Variants in ABLIM1 observed in about 807,000 individuals in gnomAD.
ABLIM1 encodes actin binding LIM protein 1.
ABLIM1 carries 40 observed loss-of-function variants against 107.0 expected under a neutral mutation model. The observed-to-expected ratio is 0.37, with a 90% CI of 0.29 to 0.49. The LOEUF is 0.49. Among genes scored for constraint, ABLIM1 ranks in the 20% least tolerant of loss-of-function variants. The pLI is 0.97. For synonymous variants in ABLIM1, 357 were observed against 357.3 expected, an observed-to-expected ratio of 1.00 and a Z score of 0.01; for missense variants, 857 against 1,008.5, an observed-to-expected ratio of 0.85 and a Z score of 2.04.
chr10:114,450,163 T>C (rs1203963524), intron 14 of ABLIM1: 2 of 337,302 alleles, frequency 5.9e-6, no homozygotes, highest in African/African-American at 4.6e-5. Flanking sequence ...GTGAAGTCAG[T>C]AGTTAAACAT....
intron 4 of ABLIM1, 48 bp from the exon 5 acceptor site, chr10:114,547,824 A>T (rs1421088016): frequency 8.8e-6 from 14 of 1,590,170 alleles, no homozygotes; most frequent in Non-Finnish European, 1.2e-5. Context: ...CCTTTGCTAA[A>T]TCCAAGCAGG....
upstream of ABLIM1, among the ~76,000 whole-genome samples, chr10:114,660,517 C>A (rs982186865): frequency 8.7e-5 from 13 of 150,226 alleles, no homozygotes; most frequent in South Asian, 2.1e-4. Flanking sequence ...AAAAAAAAAA[C>A]CGTATTTCCC....
chr10:114,732,485 T>C (rs1167895853), intron 1 of ABLIM1, among the ~76,000 whole-genome samples: 1 of 151,420 alleles, frequency 6.6e-6, no homozygotes, highest in Non-Finnish European at 1.5e-5. Context: ...TTATCAGATA[T>C]ATGATTTGCA....
chr10:114,502,410 C>A (rs2060553265), intron 6 of ABLIM1: 1 of 152,236 alleles, frequency 6.6e-6, no homozygotes, highest in Non-Finnish European at 1.5e-5. Context: ...TCAACTCTCT[C>A]TTACAAGGTA....
At position 114,758,171 on chromosome 10, in the gene ABLIM1, C is replaced by T. The variant is rs557658845; in HGVS notation, c.-213+9890G>A. 5.3e-5 allele frequency among the ~76,000 whole-genome samples: 8 copies of T among 152,240 alleles called. No individual in the cohort carries two copies. In the East Asian group the frequency reaches 1.3e-3, roughly 26 times the overall value. On this transcript the variant is annotated intron_variant, in intron 1 of 15. Transcript: ENST00000651092. ...TCTTTTTTAAATTTTTTTCACAGTA[C>T]TTTACACCACCTATCATATGTTTAT... is the stretch of plus-strand genomic sequence containing the variant.
At chr10:114,753,814 A>G (rs1232043329) in intron 1 of ABLIM1, among the ~76,000 whole-genome samples, 4 of 152,186 alleles carry the variant, frequency 2.6e-5, no homozygotes, top group Non-Finnish European at 4.4e-5. Flanking sequence ...CTGAAAAAAC[A>G]CAACTGTTTC....
chr10:114,493,055 T>C (rs1036760782), intron 6 of ABLIM1, among the ~76,000 whole-genome samples: 1 of 152,224 alleles, frequency 6.6e-6, no homozygotes, highest in Non-Finnish European at 1.5e-5. Context: ...TGCTACTTTT[T>C]ATTTATTTGT....
intron 4 of ABLIM1, among the ~76,000 whole-genome samples, chr10:114,567,640 A>G (rs529639333): frequency 3.9e-5 from 6 of 152,218 alleles, no homozygotes; most frequent in Non-Finnish European, 5.9e-5. Context: ...TCTTTCCTCA[A>G]TAAGGTCAGA....
intron 1 of ABLIM1, among the ~76,000 whole-genome samples, chr10:114,711,154 G>A (rs184094200): frequency 6.6e-6 from 1 of 152,294 alleles, no homozygotes; most frequent in East Asian, 1.9e-4. Flanking sequence ...AGTAGCAAAA[G>A]TCATCTTATT....
chr10:114,673,045 G>T (rs1023265423), intron 1 of ABLIM1, among the ~76,000 whole-genome samples: 3 of 151,986 alleles, frequency 2.0e-5, no homozygotes, highest in Non-Finnish European at 4.4e-5. Context: ...ATCACCTGAG[G>T]TCAGGAGTTC....
In ABLIM1 at chr10:114,601,863, T is replaced by C; in HGVS notation, c.343A>G (p.Thr115Ala). ...AAACACTTGATGTGGAAATGTTTGG[T>C]CTGGACCCGAAGCACTTCACCCTTG... Reference protein sequence around the residue: ...PCKGEVLRVQTKHFHIKCFTC... With the variant: ...PCKGEVLRVQAKHFHIKCFTC... Residue 115 changes from threonine to alanine, a missense_variant, in exon 2 of 23, where the codon ACC (threonine) becomes GCC (alanine). Transcript: ENST00000533213. 1.9e-6 allele frequency: 3 copies of C among 1,614,134 alleles called. No homozygotes were observed. Among genetic ancestry groups the C allele is most frequent in the South Asian group, 1.1e-5 (1 of 91,072 alleles).
At chr10:114,595,801 G>A (rs1019641708) in intron 2 of ABLIM1, among the ~76,000 whole-genome samples, 1 of 152,152 alleles carries the variant, frequency 6.6e-6, no homozygotes, top group African/African-American at 2.4e-5. Flanking sequence ...CCATCTTCCA[G>A]TATTCAGTTC....
At chr10:114,521,595 C>G (rs974187590) in intron 6 of ABLIM1, among the ~76,000 whole-genome samples, 1 of 152,108 alleles carries the variant, frequency 6.6e-6, no homozygotes, top group Non-Finnish European at 1.5e-5. Context: ...AGAGGAATCA[C>G]AGGAGAGAAG....
At chr10:114,565,788 C>CTTTTTTTTTTTTTTT (rs577896964) in intron 4 of ABLIM1, among the ~76,000 whole-genome samples, 3 of 101,070 alleles carry the variant, frequency 3.0e-5, no homozygotes, top group African/African-American at 3.5e-5. Flanking sequence ...GAAATGATTT[C>CTTTTTTTTTTTTTTT]TTTTTTTTTT....
chr10:114,653,554 C>G (rs577483230), intron 1 of ABLIM1, among the ~76,000 whole-genome samples: 8 of 152,136 alleles, frequency 5.3e-5, no homozygotes, highest in Non-Finnish European at 1.2e-4. Context: ...AGAAACAAAA[C>G]CAAACAAAAA....
chr10:114,501,662 A>G (rs776787765), intron 6 of ABLIM1, among the ~76,000 whole-genome samples: 4 of 152,208 alleles, frequency 2.6e-5, no homozygotes, highest in Non-Finnish European at 5.9e-5. Flanking sequence ...TTCCAAATGT[A>G]TTTTTTAAAA....
intron 1 of ABLIM1, among the ~76,000 whole-genome samples, chr10:114,737,972 A>C (rs1279377065): frequency 6.6e-6 from 1 of 152,212 alleles, no homozygotes; most frequent in Non-Finnish European, 1.5e-5. Flanking sequence ...TACTAAAAAA[A>C]TTTACTAAAA....
At chr10:114,795,458 G>A in the ABLIM1 span, among the ~76,000 whole-genome samples, 6 of 152,086 alleles carry the variant, frequency 3.9e-5, no homozygotes, top group Admixed American at 2.6e-4. Context: ...TGTAATCTCC[G>A]CACTTTGGGA....
At chr10:114,675,455 T>C (rs2080439173) in intron 1 of ABLIM1, among the ~76,000 whole-genome samples, 1 of 152,202 alleles carries the variant, frequency 6.6e-6, no homozygotes, top group African/African-American at 2.4e-5. Context: ...CCTGCCTCCA[T>C]GTAAGAGGTG....
Sources: gnomAD v4.1 joint callset for allele counts (sites outside exome capture counted in the v4.1 genomes callset) on GRCh38, gnomAD v4.1.1 for gene constraint, MANE v1.5 for transcripts, NCBI Gene and HGNC (gene_info 2026-07-23, HGNC 2026-07-21) for gene names.